Variants in MUC17 observed in about 807,000 individuals in gnomAD.
MUC17 encodes the protein mucin-17.
A neutral mutation model predicts 170.3 loss-of-function variants in MUC17; 190 were observed. That is an observed-to-expected ratio of 1.12 (90% CI 0.99 to 1.26). The LOEUF is 1.26. Among genes scored for constraint, MUC17 ranks in the 50% most tolerant of loss-of-function variants. The probability of loss-of-function intolerance (pLI) is 0.00; values close to 1 mark genes in which losing one functional copy is unlikely to be tolerated. For missense variants in MUC17, 6,415 were observed against 5,530.0 expected (o/e 1.16, Z -5.08); for synonymous variants, 2,325 against 2,002.5 (o/e 1.16, Z -4.30).
At position 101,036,953 on chromosome 7, in the gene MUC17, G is replaced by T. The variant is rs139561019; in HGVS notation, c.5537G>T (p.Ser1846Ile). The T allele has an allele frequency of 1.1e-5, 17 of 1,530,678 alleles. No homozygotes were observed. In the African/African-American group the frequency reaches 2.6e-4, roughly 23 times the overall value. 94.8% of individuals were successfully genotyped at this position (1,530,678 alleles called of 1,614,324 possible). A position where few individuals can be genotyped will look rare whatever the true frequency, so the allele number is the denominator to read the frequency against. The change falls in exon 3 of 13, where the codon AGT (serine) becomes ATT (isoleucine). Residue 1846 changes from serine to isoleucine, a missense_variant. Transcript: ENST00000306151. ...NSPVVTSTAVSSSPTPAEGTS... is the reference protein window; with the variant it reads ...NSPVVTSTAVISSPTPAEGTS... ...CCTGTGGTCACTTCTACAGCAGTCA[G>T]TTCATCTCCTACACCTGCTGAAGGT...
chr7:101,046,385 T>C (rs1049853739), intron 3 of MUC17, among the ~76,000 whole-genome samples: 1 of 152,192 alleles, frequency 6.6e-6, no homozygotes, highest in Non-Finnish European at 1.5e-5. Flanking sequence ...AGCTTTAGAT[T>C]TTCCAGGTTG....
At chr7:101,025,015 C>T (rs922801788) in intron 1 of MUC17, among the ~76,000 whole-genome samples, 1 of 151,604 alleles carries the variant, frequency 6.6e-6, no homozygotes, top group Non-Finnish European at 1.5e-5. Context: ...ACGGAGACCA[C>T]GTCTCTAAAA....
At chr7:101,025,666 C>A (rs1031427243) in intron 1 of MUC17, among the ~76,000 whole-genome samples, 2 of 151,998 alleles carry the variant, frequency 1.3e-5, no homozygotes, top group Admixed American at 6.6e-5. Context: ...TAGTTATGTG[C>A]CCCTGTAATC....
rs769078255 is a variant in MUC17 at position 101,032,242 on chromosome 7, C to G, written c.826C>G (p.Pro276Ala). 2 of 1,614,070 alleles carry G rather than the reference C, an allele frequency of 1.2e-6. No individual in the cohort carries two copies. The highest frequency in any genetic ancestry group is 3.3e-5 in the Admixed American group (2 of 60,024). ...CTCAGCTCCTAGTGGAGGAAGCACT[C>G]CATTAACAAGAATGCCTCTCAGCGT... ...SNSAPSGGSTPLTRMPLSVML... is the reference protein window; with the variant it reads ...SNSAPSGGSTALTRMPLSVML... The change falls in exon 3 of 13, where the codon CCA becomes GCA. Residue 276 changes from proline (P) to alanine (A), a missense_variant. Coordinates refer to ENST00000306151, the MANE Select transcript of MUC17 (RefSeq NM_001040105.2).
rs1191380492 is a variant in MUC17, at chr7:101,038,772, T to C, written c.7356T>C (p.Ser2452=). 1 of 1,612,954 alleles carries C rather than the reference T, an allele frequency of 6.2e-7. No individual in the cohort carries two copies. ...CCAGCATACCAACCTCACCTCCTAG[T>C]GAAGGAACCACTCCGTTAGCAAGTA... ...EGTSIPTSPP[S]EGTTPLASMP... Residue 2452 remains serine (S), a synonymous_variant, in exon 3 of 13, where the codon AGT becomes AGC. Coordinates refer to ENST00000306151, the MANE Select transcript of MUC17 (RefSeq NM_001040105.2).
intron 1 of MUC17, among the ~76,000 whole-genome samples, chr7:101,029,115 A>G (rs532474276): frequency 1.3e-5 from 2 of 151,386 alleles, no homozygotes; most frequent in East Asian, 1.9e-4. Context: ...TTGAACCCAG[A>G]AGGCAGAGGT....
chr7:101,046,420 G>A (rs1259268158), intron 3 of MUC17, among the ~76,000 whole-genome samples: 1 of 152,152 alleles, frequency 6.6e-6, no homozygotes, highest in Non-Finnish European at 1.5e-5. Flanking sequence ...TCTAGAGTTG[G>A]CTATCACTAC....
In MUC17 at chr7:101,042,862, T is replaced by G. The variant is rs1269723556; in HGVS notation, c.11446T>G (p.Leu3816Val). The change falls in exon 3 of 13, where the codon TTG (leucine) becomes GTG (valine). Residue 3816 changes from leucine (L) to valine (V), a missense_variant. Coordinates refer to ENST00000306151, the MANE Select transcript of MUC17 (RefSeq NM_001040105.2). ...AACTACGAGTGAAAGAAGCACTTTA[T>G]TGACAACTGTCCTCATCAGCCCTAT... ...MSTTSERSTL[L>V]TTVLISPISV... The G allele has an allele frequency of 8.7e-6, 14 of 1,614,018 alleles. No individual in the cohort carries two copies. Among genetic ancestry groups the G allele is most frequent in the African/African-American group, 2.7e-5 (2 of 74,894 alleles).
At position 101,048,076 on chromosome 7, in the gene MUC17, G is replaced by A; in HGVS notation, c.12496G>A (p.Gly4166Arg). ...GTGCCAGTGTCCCAACCTCTATTATGGGGAGTTGTGTGAGGAGGTGGTCAG... is the reference window on the plus strand; with the variant it reads ...GTGCCAGTGTCCCAACCTCTATTATAGGGAGTTGTGTGAGGAGGTGGTCAG... ...LKCQCPNLYY[G>R]ELCEEVVSSI... Residue 4166 changes from glycine to arginine, a missense_variant, in exon 4 of 13, where the codon GGG (glycine) becomes AGG (arginine). Gly to Arg is a moderately radical substitution (Grantham distance 125). Coordinates refer to ENST00000306151, the MANE Select transcript of MUC17 (RefSeq NM_001040105.2). 6.2e-7 allele frequency: 1 copy of A among 1,604,530 alleles called. No individual in the cohort carries two copies. Among genetic ancestry groups the A allele is most frequent in the Non-Finnish European group, 8.5e-7 (1 of 1,175,988 alleles).
rs1391737103 is a variant in MUC17 at position 101,035,593 on chromosome 7, G to A, written c.4177G>A (p.Glu1393Lys). 5 of 1,613,526 alleles carry A rather than the reference G, an allele frequency of 3.1e-6. No homozygotes were observed. Among genetic ancestry groups the A allele is most frequent in the Non-Finnish European group, 4.2e-6 (5 of 1,179,876 alleles). Residue 1393 changes from glutamate (E) to lysine (K), a missense_variant, in exon 3 of 13, where the codon GAA becomes AAA. Physicochemically the swap from Glu to Lys is moderately conservative, Grantham distance 56. Coordinates refer to ENST00000306151, the MANE Select transcript of MUC17 (RefSeq NM_001040105.2). Reference protein sequence around the residue: ...GTSMPNSNPSEGTTPLTSIPV... With the variant: ...GTSMPNSNPSKGTTPLTSIPV... ...CAGCATGCCAAACTCAAATCCTAGT[G>A]AAGGAACCACTCCGTTAACAAGTAT... is the stretch of plus-strand genomic sequence containing the variant.
At position 101,056,069 on chromosome 7, in the gene MUC17, G is replaced by C. The variant is rs1056530883; in HGVS notation, c.13364-125G>C. ...TGTTGACAGTTTGTCACATTTTCAA[G>C]GGTTTGCAGTTTCCTAGGGGTAGAG... On this transcript the variant is annotated intron_variant, in intron 11 of 12. Coordinates refer to ENST00000306151, the MANE Select transcript of MUC17 (RefSeq NM_001040105.2). The C allele has an allele frequency of 3.7e-6, 5 of 1,337,342 alleles. No individual in the cohort carries two copies. In the Admixed American group the frequency reaches 9.0e-5, roughly 24 times the overall value. The allele number at this position is 1,337,342 out of a possible 1,614,324, so 82.8% of individuals were successfully genotyped here.
intron 11 of MUC17, among the ~76,000 whole-genome samples, chr7:101,054,564 C>T (rs1795014859): frequency 6.6e-6 from 1 of 152,106 alleles, no homozygotes; most frequent in African/African-American, 2.4e-5. Context: ...CGCAGTGGCT[C>T]ATGCTTACAG....
intron 1 of MUC17, among the ~76,000 whole-genome samples, chr7:101,028,375 C>T (rs1794219354): frequency 6.6e-6 from 1 of 152,078 alleles, no homozygotes; most frequent in Non-Finnish European, 1.5e-5. Context: ...AGGCATAAGC[C>T]ACCGCGTCCA....
In MUC17 at chr7:101,035,969, G is replaced by A. The variant is rs1172654803; in HGVS notation, c.4553G>A (p.Ser1518Asn). 1 of 1,612,784 alleles carries A rather than the reference G, an allele frequency of 6.2e-7. No homozygotes were observed. Among genetic ancestry groups the A allele is most frequent in the Non-Finnish European group, 8.5e-7 (1 of 1,179,270 alleles). The change falls in exon 3 of 13, where the codon AGT (serine) becomes AAT (asparagine). Residue 1518 changes from serine (S) to asparagine (N), a missense_variant. By Grantham distance (46) the Ser-to-Asn change is conservative (BLOSUM62 1). Coordinates refer to ENST00000306151, the MANE Select transcript of MUC17 (RefSeq NM_001040105.2). ...TPSEGSTALTSIPVSTTTVAS... is the reference protein window; with the variant it reads ...TPSEGSTALTNIPVSTTTVAS... ...AGTGAAGGAAGCACTGCATTAACAA[G>A]TATACCTGTCAGCACCACAACAGTG...
Position 101,020,178 on chromosome 7 carries a change from G to C in MUC17, c.43G>C (p.Val15Leu), listed in dbSNP as rs369253246. The change falls in exon 1 of 13, where the codon GTC becomes CTC. Residue 15 changes from valine (V) to leucine (L), a missense_variant. Coordinates refer to ENST00000306151, the MANE Select transcript of MUC17 (RefSeq NM_001040105.2). Reference sequence around the variant, plus strand: ...CATGGCGCTGTGTCTGCTGACCTTGGTCCTCTCGCTCTTGCCCCCACAAGC... The same window carrying C: ...CATGGCGCTGTGTCTGCTGACCTTGCTCCTCTCGCTCTTGCCCCCACAAGC... Reference protein sequence around the residue: ...GTMALCLLTLVLSLLPPQAAA... With the variant: ...GTMALCLLTLLLSLLPPQAAA... The C allele has an allele frequency of 4.3e-5, 70 of 1,609,696 alleles. No individual in the cohort carries two copies. Among genetic ancestry groups the C allele is most frequent in the Non-Finnish European group, 5.8e-5 (68 of 1,178,038 alleles).
Position 101,039,877 on chromosome 7 carries a change from C to T in MUC17, c.8461C>T (p.Pro2821Ser), listed in dbSNP as rs1174666251. ...AACTAGTATGCCTGTCAACCACACG[C>T]CAGTGGCCAGTTCTGAGGCTGGCAC... is the stretch of plus-strand genomic sequence containing the variant. Reference protein sequence around the residue: ...PLTSMPVNHTPVASSEAGTLS... With the variant: ...PLTSMPVNHTSVASSEAGTLS... Residue 2821 changes from proline (P) to serine (S), a missense_variant, in exon 3 of 13, where the codon CCA (proline) becomes TCA (serine). Pro to Ser is a moderately conservative substitution (Grantham distance 74). Coordinates refer to ENST00000306151, the MANE Select transcript of MUC17 (RefSeq NM_001040105.2). The T allele has an allele frequency of 3.7e-6, 6 of 1,612,792 alleles. No individual in the cohort carries two copies. The highest frequency in any genetic ancestry group is 5.1e-6 in the Non-Finnish European group (6 of 1,179,652).
chr7:101,032,213 C>G lies in MUC17; in HGVS notation c.797C>G (p.Ser266Ter). Reference sequence around the variant, plus strand: ...ACAACTGCTGAAGGTCCCAGCCTGTCAAACTCAGCTCCTAGTGGAGGAAGC... The same window carrying G: ...ACAACTGCTGAAGGTCCCAGCCTGTGAAACTCAGCTCCTAGTGGAGGAAGC... ...SPTTAEGPSL[S>*]NSAPSGGSTP... Residue 266 changes from serine to a stop codon, truncating the protein, a stop_gained, in exon 3 of 13, where the codon TCA becomes TGA. Coordinates refer to ENST00000306151, the MANE Select transcript of MUC17 (RefSeq NM_001040105.2). LOFTEE classifies it high-confidence loss of function. 1 of 1,614,160 alleles carries G rather than the reference C, an allele frequency of 6.2e-7. No homozygotes were observed. Among genetic ancestry groups the G allele is most frequent in the Non-Finnish European group, 8.5e-7 (1 of 1,180,022 alleles).
At chr7:101,054,956 A>G (rs1795020913) in intron 11 of MUC17, among the ~76,000 whole-genome samples, 1 of 152,190 alleles carries the variant, frequency 6.6e-6, no homozygotes, top group Non-Finnish European at 1.5e-5. Context: ...AAAAACACAA[A>G]AATTAGCTGG....
rs1794195593 is a variant in MUC17 at position 101,027,170 on chromosome 7, T to C, written c.83-3950T>C. On this transcript the variant is annotated intron_variant, in intron 1 of 12. Transcript: ENST00000306151. ...TAGCAAGACCCCATCTGTATGTCTA[T>C]TAAAAGTAATAAAAAGAAATTATAT... Among the ~76,000 whole-genome samples the C allele has an allele frequency of 3.9e-5, 6 of 152,240 alleles. No homozygotes were observed. The South Asian group carries it at 1.2e-3, about 32-fold the overall frequency.
Sources: allele counts gnomAD v4.1 joint callset (sites outside exome capture counted in the v4.1 genomes callset), GRCh38; gene constraint gnomAD v4.1.1; transcripts MANE v1.5; gene names NCBI Gene and HGNC (gene_info 2026-07-23, HGNC 2026-07-21).